Variants in GSE1 observed in about 807,000 individuals in gnomAD.
GSE1 encodes the protein genetic suppressor element 1.
Under a neutral mutation model 112.6 loss-of-function variants are expected in GSE1, and 32 were observed. That is an observed-to-expected ratio of 0.28 (90% confidence interval 0.21 to 0.38). The LOEUF (loss-of-function observed/expected upper bound fraction) is 0.38. Among genes scored for constraint, GSE1 ranks in the 10% least tolerant of loss-of-function variants. The pLI, the probability that GSE1 is intolerant of heterozygous loss-of-function variation, is 1.00. For synonymous variants in GSE1, 1,115 were observed against 735.6 expected (o/e 1.52, Z -8.35); for missense variants, 2,348 against 1,699.2 (o/e 1.38, Z -6.71).
chr16:85,611,903 G>A (rs966511559), upstream of GSE1, among the ~76,000 whole-genome samples: 2 of 151,816 alleles, frequency 1.3e-5, no homozygotes. Context: ...TCGCGGGGAC[G>A]GCAGCGTGCG....
chr16:85,369,488 A>G (rs2047250723), intron 2 of GSE1, among the ~76,000 whole-genome samples: 1 of 152,050 alleles, frequency 6.6e-6, no homozygotes, highest in African/African-American at 2.4e-5. Flanking sequence ...CAAGCTTCCC[A>G]AAGTGCTGGG....
At chr16:85,185,929 G>C (rs1048112229) in intron 1 of GSE1, among the ~76,000 whole-genome samples, 3 of 152,224 alleles carry the variant, frequency 2.0e-5, no homozygotes, top group African/African-American at 4.8e-5. Flanking sequence ...CATCTCTGCC[G>C]AGGGCGCGGA....
chr16:85,526,074 C>T (rs1304232978), intron 2 of GSE1, among the ~76,000 whole-genome samples: 2 of 152,198 alleles, frequency 1.3e-5, no homozygotes, highest in African/African-American at 2.4e-5. Context: ...TGGGTGCAGA[C>T]AGTCCCCACC....
At chr16:85,355,725 G>C (rs1401969584) in intron 1 of GSE1, among the ~76,000 whole-genome samples, 1 of 152,082 alleles carries the variant, frequency 6.6e-6, no homozygotes, top group Non-Finnish European at 1.5e-5. Flanking sequence ...CAATTTTAAA[G>C]ATTACAGAAA....
chr16:85,460,995 G>A (rs888444598), intron 2 of GSE1, among the ~76,000 whole-genome samples: 6 of 152,194 alleles, frequency 3.9e-5, no homozygotes, highest in African/African-American at 1.4e-4. Context: ...ACAGGCTGAC[G>A]GCAGCCAGCC....
upstream of GSE1, chr16:85,613,276 A>C: frequency 1.3e-6 from 2 of 1,532,268 alleles, no homozygotes; most frequent in South Asian, 1.2e-5. Context: ...CCACCTCCCC[A>C]GCGGGCCCGA....
At chr16:85,171,126 C>T in exon 1 of GSE1, 4 of 985,652 alleles carry the variant, frequency 4.1e-6, no homozygotes, top group Non-Finnish European at 4.8e-6. Context: ...TCCGCAGCTG[C>T]CCCAAGTGCT....
At chr16:85,641,152 T>TCCCTGCAGCCCCTGTGCCC (rs2050411006) in intron 2 of GSE1, among the ~76,000 whole-genome samples, 1 of 152,200 alleles carries the variant, frequency 6.6e-6, no homozygotes, top group African/African-American at 2.4e-5. Flanking sequence ...ACCCTGTGCC[T>TCCCTGCAGCCCCTGTGCCC]CCCTGCAGCC....
chr16:85,404,585 A>C (rs368518210), intron 2 of GSE1, among the ~76,000 whole-genome samples: 290 of 44,666 alleles, frequency 6.5e-3, no homozygotes, highest in Middle Eastern at 0.038. Context: ...CCTCACTGTT[A>C]CACTCAGGCC....
rs146948098 is a variant in GSE1, at chr16:85,200,768, T to A, written c.2283+28961T>A. 5.8e-3 allele frequency among the ~76,000 whole-genome samples: 882 copies of A among 152,338 alleles called. 8 individuals are homozygous for A. Among genetic ancestry groups the A allele is most frequent in the African/African-American group, 0.018 (747 of 41,568 alleles). ...GACGGGAAATGGACTATTTCAGCTA[T>A]TTTTACGTGTACAGTTCGGTGGCAT... On this transcript the variant is annotated intron_variant, in intron 1 of 2. Coordinates refer to the GSE1 transcript ENST00000637419.
intron 1 of GSE1, among the ~76,000 whole-genome samples, chr16:85,303,045 C>T (rs1473342835): frequency 6.6e-6 from 1 of 152,228 alleles, no homozygotes; most frequent in East Asian, 1.9e-4. Flanking sequence ...GGAGCCAGTC[C>T]TGTGGCCCCC....
intron 2 of GSE1, among the ~76,000 whole-genome samples, chr16:85,430,925 C>T (rs2049104904): frequency 1.3e-5 from 2 of 152,348 alleles, no homozygotes; most frequent in South Asian, 4.1e-4. Context: ...CACCCAGCTC[C>T]CAGGAGAGGC....
At chr16:85,322,729 C>T (rs1366855783) in intron 1 of GSE1, among the ~76,000 whole-genome samples, 2 of 151,766 alleles carry the variant, frequency 1.3e-5, no homozygotes, top group African/African-American at 2.4e-5. Context: ...GATTCTCCTG[C>T]GTCAGCCTCC....
At chr16:85,657,197 C>A (rs2052034715) in intron 7 of GSE1, 80 bp from the exon 8 acceptor site, 4 of 975,504 alleles carry the variant, frequency 4.1e-6, no homozygotes, top group Non-Finnish European at 3.0e-6. Flanking sequence ...TTTCTCTGGG[C>A]AGTTGGGTGA....
At chr16:85,509,671 CAA>C (rs1274398055) in intron 2 of GSE1, among the ~76,000 whole-genome samples, 1 of 152,354 alleles carries the variant, frequency 6.6e-6, no homozygotes, top group East Asian at 1.9e-4. Context: ...GCGTGGGGAA[CAA>C]GAGCCGAATG....
intron 2 of GSE1, among the ~76,000 whole-genome samples, chr16:85,525,866 G>A (rs1008471373): frequency 5.9e-5 from 9 of 152,184 alleles, no homozygotes; most frequent in African/African-American, 2.2e-4. Context: ...GGGAGCACTG[G>A]CTGCCTTGGG....
Position 85,442,216 on chromosome 16 carries a change from C to CA in GSE1, c.2464+84573_2464+84574insA, listed in dbSNP as rs370199535. On this transcript the variant is annotated intron_variant, in intron 2 of 2. Coordinates refer to the GSE1 transcript ENST00000637419. ...CCTCAGAGAGGCCTTTGCTGCCCCCCTCCTCCTTAAATAGCTGTTCTGCTG... is the reference window on the plus strand; with the variant it reads ...CCTCAGAGAGGCCTTTGCTGCCCCCCATCCTCCTTAAATAGCTGTTCTGCTG... Among the ~76,000 whole-genome samples, 383 of 152,308 alleles carry CA rather than the reference C, an allele frequency of 2.5e-3. 2 individuals are homozygous for CA. Among genetic ancestry groups the CA allele is most frequent in the African/African-American group, 8.9e-3 (368 of 41,566 alleles).
At chr16:85,213,307 A>G (rs113895620) in intron 1 of GSE1, among the ~76,000 whole-genome samples, 17 of 151,468 alleles carry the variant, frequency 1.1e-4, no homozygotes, top group African/African-American at 4.1e-4. Flanking sequence ...TTAGCCAGGC[A>G]TGTTGGCATG....
intron 2 of GSE1, among the ~76,000 whole-genome samples, chr16:85,452,094 C>T (rs983288664): frequency 1.3e-5 from 2 of 152,082 alleles, no homozygotes; most frequent in Admixed American, 6.5e-5. Context: ...TTGTCCCCGC[C>T]AGAGAGACCC....
Sources: allele counts gnomAD v4.1 joint callset (sites outside exome capture counted in the v4.1 genomes callset), GRCh38; gene constraint gnomAD v4.1.1; transcripts MANE v1.5; gene names NCBI Gene and HGNC (gene_info 2026-07-23, HGNC 2026-07-21).